XKR4: variants seen among roughly 807,000 people sequenced by gnomAD.
XKR4 encodes XK-related protein 4.
XKR4 carries 12 observed loss-of-function variants against 53.9 expected under a neutral mutation model. The observed-to-expected ratio is 0.22, with a 90% CI of 0.14 to 0.36. The LOEUF (loss-of-function observed/expected upper bound fraction) is 0.36, where lower values mean the gene tolerates loss of function less well. Among genes scored for constraint, XKR4 ranks in the 10% least tolerant of loss-of-function variants. XKR4 has a pLI of 1.00. For synonymous variants in XKR4, 354 were observed against 362.4 expected, an observed-to-expected ratio of 0.98 and a Z score of 0.26; for missense variants, 799 against 859.5, an observed-to-expected ratio of 0.93 and a Z score of 0.88.
chr8:55,394,751 T>C (rs766438515), intron 2 of XKR4, among the ~76,000 whole-genome samples: 4 of 152,216 alleles, frequency 2.6e-5, no homozygotes, highest in Non-Finnish European at 5.9e-5. Flanking sequence ...TGACATTAAT[T>C]ATCACTTTTA....
intron 1 of XKR4, among the ~76,000 whole-genome samples, chr8:55,318,494 A>G (rs1444646583): frequency 6.6e-6 from 1 of 152,140 alleles, no homozygotes; most frequent in African/African-American, 2.4e-5. Flanking sequence ...GTTTGTCCCA[A>G]ACTCGACCAA....
In XKR4 at chr8:55,451,964, G is replaced by T. The variant is rs1037202427; in HGVS notation, c.1007-71317G>T. ...CTCCAGTGCTCCTAGCTGAGTTGGG[G>T]TTGTACTTCTTGCGAGTGACATGCT... On this transcript the variant is annotated intron_variant, in intron 2 of 2. Coordinates refer to ENST00000327381, the MANE Select transcript of XKR4 (RefSeq NM_052898.2). The T allele has an allele frequency of 9.1e-6, 7 of 772,476 alleles. No homozygotes were observed. In the African/African-American group the frequency reaches 1.2e-4, roughly 13 times the overall value. The allele number at this position is 772,476 out of a possible 1,614,324, so 47.9% of individuals were successfully genotyped here.
chr8:55,335,652 G>T (rs1803449450), intron 1 of XKR4, among the ~76,000 whole-genome samples: 1 of 152,096 alleles, frequency 6.6e-6, no homozygotes, highest in Admixed American at 6.5e-5. Flanking sequence ...ATTCATAATT[G>T]CAAAAGCCTG....
At chr8:55,513,760 A>G (rs1806666450) in intron 2 of XKR4, among the ~76,000 whole-genome samples, 1 of 152,216 alleles carries the variant, frequency 6.6e-6, no homozygotes, top group South Asian at 2.1e-4. Flanking sequence ...CCATACTGTA[A>G]CCATCTAAAA....
At chr8:55,135,975 C>T (rs1487824947) in intron 1 of XKR4, among the ~76,000 whole-genome samples, 1 of 151,802 alleles carries the variant, frequency 6.6e-6, no homozygotes. Context: ...CTCACTGCAA[C>T]CTCCGCCTCC....
intron 1 of XKR4, among the ~76,000 whole-genome samples, chr8:55,307,890 G>A (rs1819327557): frequency 1.3e-5 from 2 of 152,112 alleles, no homozygotes; most frequent in South Asian, 4.1e-4. Context: ...CAAACAGCTT[G>A]GTAGTTTGTT....
chr8:55,504,042 T>G (rs946116694), intron 2 of XKR4, among the ~76,000 whole-genome samples: 1 of 152,162 alleles, frequency 6.6e-6, no homozygotes, highest in African/African-American at 2.4e-5. Context: ...ATCCTTGTAT[T>G]TCAGGAATAA....
intron 1 of XKR4, among the ~76,000 whole-genome samples, chr8:55,274,139 T>C (rs1341525923): frequency 6.6e-6 from 1 of 152,174 alleles, no homozygotes; most frequent in Non-Finnish European, 1.5e-5. Context: ...AAATCAATAA[T>C]CCAGAAATGT....
intron 1 of XKR4, among the ~76,000 whole-genome samples, chr8:55,139,309 G>C (rs1816670254): frequency 6.6e-6 from 1 of 152,134 alleles, no homozygotes; most frequent in Non-Finnish European, 1.5e-5. Context: ...GCCAGGGCAG[G>C]TGGATCATGA....
In XKR4 at chr8:55,532,308, A is replaced by G. The variant is rs1203614643; in HGVS notation, c.*8081A>G. On this transcript the variant is annotated 3_prime_UTR_variant, in exon 3 of 3. Coordinates refer to ENST00000327381, the MANE Select transcript of XKR4 (RefSeq NM_052898.2). ...TCCTTACTACAATTATTGCTATTTT[A>G]GTCATTGGACCAGACAAAATGAAGC... The G allele has an allele frequency of 6.6e-6, 1 of 152,212 alleles. No individual in the cohort carries two copies. Among genetic ancestry groups the G allele is most frequent in the African/African-American group, 2.4e-5 (1 of 41,444 alleles). 9.4% of individuals were successfully genotyped at this position (152,212 alleles called of 1,614,324 possible).
intron 1 of XKR4, among the ~76,000 whole-genome samples, chr8:55,166,407 G>A (rs1219273113): frequency 6.6e-6 from 1 of 152,124 alleles, no homozygotes; most frequent in Non-Finnish European, 1.5e-5. Context: ...TATTTTATCT[G>A]TTCATTTAAA....
chr8:55,347,095 T>C (rs7845322), intron 1 of XKR4, among the ~76,000 whole-genome samples: 56,286 of 152,082 alleles, frequency 0.37, 12,465 homozygotes, highest in Admixed American at 0.51. Context: ...GTAAGGATTA[T>C]GTCAATTATT....
At chr8:55,284,681 T>C (rs1468635999) in intron 1 of XKR4, among the ~76,000 whole-genome samples, 2 of 152,182 alleles carry the variant, frequency 1.3e-5, no homozygotes, top group Non-Finnish European at 2.9e-5. Context: ...GACATAGTGA[T>C]GTGTCCTATG....
At chr8:55,309,803 A>T (rs1412027230) in intron 1 of XKR4, among the ~76,000 whole-genome samples, 4 of 152,226 alleles carry the variant, frequency 2.6e-5, no homozygotes, top group Non-Finnish European at 5.9e-5. Flanking sequence ...GCTGCTTATT[A>T]TAGCCACGAC....
intron 2 of XKR4, among the ~76,000 whole-genome samples, chr8:55,433,552 G>A (rs541990511): frequency 1.6e-3 from 239 of 152,252 alleles, no homozygotes; most frequent in African/African-American, 5.2e-3. Context: ...CACTTTCTAT[G>A]AGTCTATTTC....
At chr8:55,215,208 C>T (rs547614434) in intron 1 of XKR4, among the ~76,000 whole-genome samples, 1 of 152,286 alleles carries the variant, frequency 6.6e-6, no homozygotes, top group East Asian at 1.9e-4. Context: ...AGGGGGAACC[C>T]TGTAGGGCTT....
intron 1 of XKR4, among the ~76,000 whole-genome samples, chr8:55,282,652 C>T (rs1050181888): frequency 6.6e-6 from 1 of 152,168 alleles, no homozygotes; most frequent in African/African-American, 2.4e-5. Context: ...CCCCATGACC[C>T]AGCCACCTCC....
At chr8:55,455,619 T>G (rs1303204085) in intron 2 of XKR4, among the ~76,000 whole-genome samples, 1 of 152,186 alleles carries the variant, frequency 6.6e-6, no homozygotes, top group East Asian at 1.9e-4. Flanking sequence ...TTACAAGTGG[T>G]AGACCAATAA....
intron 1 of XKR4, among the ~76,000 whole-genome samples, chr8:55,135,898 T>G (rs1415293772): frequency 6.6e-6 from 1 of 151,690 alleles, no homozygotes; most frequent in Non-Finnish European, 1.5e-5. Context: ...ACTTTTTTTT[T>G]TTTTTTGTTT....
Sources: gnomAD v4.1 joint callset for allele counts (sites outside exome capture counted in the v4.1 genomes callset) on GRCh38, gnomAD v4.1.1 for gene constraint, MANE v1.5 for transcripts, NCBI Gene and HGNC (gene_info 2026-07-23, HGNC 2026-07-21) for gene names.